UPK1A: variants seen among roughly 807,000 people sequenced by gnomAD.
The protein encoded by UPK1A is uroplakin 1A.
In UPK1A, 31 loss-of-function variants were observed where a neutral mutation model predicts 32.3. That is an observed-to-expected ratio of 0.96 (90% CI 0.72 to 1.30). The LOEUF (loss-of-function observed/expected upper bound fraction) is 1.30, where lower values mean the gene tolerates loss of function less well. Among genes scored for constraint, UPK1A ranks in the 50% most tolerant of loss-of-function variants. The pLI is 0.00. For missense variants in UPK1A, 340 were observed against 357.4 expected (o/e 0.95, Z 0.39); for synonymous variants, 135 against 137.1 (o/e 0.98, Z 0.11).
At chr19:35,676,331 C>A in intron 6 of UPK1A, 1 of 505,672 alleles carries the variant, frequency 2.0e-6, no homozygotes, top group South Asian at 1.8e-5. Context: ...GCTGGGATTA[C>A]AGGTGCGCAC....
chr19:35,675,999 A>G (rs954816562), exon 6 of UPK1A: 20 of 1,613,510 alleles, frequency 1.2e-5, no homozygotes, highest in Non-Finnish European at 1.6e-5. Context: ...CCTGGGGCAC[A>G]TGGACTACCT....
chr19:35,673,684 C>CG, intron 5 of UPK1A, 139 bp downstream of exon 5: 1 of 716,928 alleles, frequency 1.4e-6, no homozygotes, highest in Non-Finnish European at 2.3e-6. Flanking sequence ...AGCAGGGCTG[C>CG]GGTCATCACC....
chr19:35,668,244 T>C, intron 2 of UPK1A: 1 of 624,392 alleles, frequency 1.6e-6, no homozygotes. Flanking sequence ...AACTGGCAGC[T>C]GGGGCGTGGG....
chr19:35,673,630 GGAGT>G, intron 5 of UPK1A, 85 bp downstream of exon 5: 1 of 1,214,762 alleles, frequency 8.2e-7, no homozygotes, highest in South Asian at 1.3e-5. Flanking sequence ...AGCTTTTAGA[GGAGT>G]GAGTGCCTTA....
Position 35,677,328 on chromosome 19 carries a change from C to T in UPK1A, c.649-484C>T, listed in dbSNP as rs1464318401. 5.9e-5 allele frequency among the ~76,000 whole-genome samples: 9 copies of T among 151,496 alleles called. No individual in the cohort carries two copies. The East Asian group carries it at 1.8e-3, about 30-fold the overall frequency. On this transcript the variant is annotated intron_variant, in intron 6 of 7. Coordinates refer to ENST00000617999, the Ensembl canonical transcript of UPK1A. ...GGATCACAAGATCAGGAGTTCGAGA[C>T]CAGCCTGACCAACATGGTGAAACCC...
chr19:35,668,768 T>A, intron 3 of UPK1A, 114 bp downstream of exon 3: 2 of 1,188,514 alleles, frequency 1.7e-6, no homozygotes, highest in Non-Finnish European at 1.2e-6. Flanking sequence ...GGTGTCACAC[T>A]CAGGGATCCC....
intron 3 of UPK1A, among the ~76,000 whole-genome samples, chr19:35,672,879 C>A (rs1473350709): frequency 6.6e-6 from 1 of 151,684 alleles, no homozygotes; most frequent in African/African-American, 2.4e-5. Flanking sequence ...CAATGCCCAG[C>A]CCTAATTTTT....
At chr19:35,670,830 T>G (rs1253866336) in intron 3 of UPK1A, among the ~76,000 whole-genome samples, 3 of 151,150 alleles carry the variant, frequency 2.0e-5, no homozygotes, top group Non-Finnish European at 4.4e-5. Flanking sequence ...TCCTCCCACC[T>G]CAGCCTCCCA....
intron 3 of UPK1A, among the ~76,000 whole-genome samples, chr19:35,669,227 G>T (rs1046582529): frequency 2.0e-5 from 3 of 152,004 alleles, no homozygotes; most frequent in Admixed American, 6.6e-5. Flanking sequence ...CTTATCCAGG[G>T]TCACACATTG....
At chr19:35,668,174 C>T in intron 2 of UPK1A, 1 of 514,140 alleles carries the variant, frequency 1.9e-6, no homozygotes, top group Non-Finnish European at 3.5e-6. Context: ...CCAAGCATCT[C>T]CTCTGTGCCA....
At chr19:35,671,091 T>C (rs1968088334) in intron 3 of UPK1A, among the ~76,000 whole-genome samples, 1 of 151,868 alleles carries the variant, frequency 6.6e-6, no homozygotes, top group Admixed American at 6.6e-5. Context: ...CCAACTAGTT[T>C]TAAAAATTGT....
chr19:35,675,536 CT>C (rs1968167868), intron 5 of UPK1A, among the ~76,000 whole-genome samples: 2 of 152,080 alleles, frequency 1.3e-5, no homozygotes, highest in African/African-American at 4.8e-5. Context: ...CCACCTCGGC[CT>C]CCCAGAGAGC....
intron 3 of UPK1A, among the ~76,000 whole-genome samples, chr19:35,672,138 T>C (rs77235979): frequency 6.6e-6 from 1 of 150,380 alleles, no homozygotes; most frequent in Non-Finnish European, 1.5e-5. Context: ...ACTGACAAGC[T>C]TTTTTTTTTC....
Position 35,673,314 on chromosome 19 carries a change from C to T in UPK1A, c.360+8C>T, listed in dbSNP as rs200411656. On this transcript the variant is annotated splice_region_variant and intron_variant, in intron 4 of 7. Transcript: ENST00000617999. ...TACACCCACCGTGACTACGTGAGCC[C>T]GGCGAGGCCTGGGGAGGGGCCTGAC... 1.2e-4 allele frequency: 190 copies of T among 1,613,974 alleles called. No individual in the cohort carries two copies. In the African/African-American group the frequency reaches 2.3e-3, roughly 20 times the overall value.
At chr19:35,673,339 C>A in intron 4 of UPK1A, 33 bp downstream of exon 4, 1 of 1,613,252 alleles carries the variant, frequency 6.2e-7, no homozygotes, top group Non-Finnish European at 8.5e-7. Flanking sequence ...AGGGGCCTGA[C>A]CTGCATGGGA....
intron 3 of UPK1A, among the ~76,000 whole-genome samples, chr19:35,669,845 ACT>A (rs1457665691): frequency 1.3e-5 from 2 of 152,160 alleles, no homozygotes; most frequent in African/African-American, 4.8e-5. Context: ...CAGAGACAGC[ACT>A]GTGTTTCCTC....
intron 3 of UPK1A, among the ~76,000 whole-genome samples, chr19:35,672,041 G>C (rs1326479990): frequency 6.6e-6 from 1 of 152,206 alleles, no homozygotes; most frequent in Non-Finnish European, 1.5e-5. Context: ...CCCAGCAGCA[G>C]AGTTCACACA....
At chr19:35,670,514 G>A (rs1396753941) in intron 3 of UPK1A, among the ~76,000 whole-genome samples, 1 of 13,532 alleles carries the variant, frequency 7.4e-5, no homozygotes, top group African/African-American at 3.0e-4. Flanking sequence ...CCCTCCCCTC[G>A]CCTCCTCTCC....
At chr19:35,678,183 G>A (rs990027486) in exon 8 of UPK1A, 12 of 852,750 alleles carry the variant, frequency 1.4e-5, no homozygotes, top group African/African-American at 8.6e-5. Flanking sequence ...GAGCCCTACT[G>A]TGTCTCAGGT....
Sources: gnomAD v4.1 joint callset for allele counts (sites outside exome capture counted in the v4.1 genomes callset) on GRCh38, gnomAD v4.1.1 for gene constraint, MANE v1.5 for transcripts, NCBI Gene and HGNC (gene_info 2026-07-23, HGNC 2026-07-21) for gene names.